CAMTA1: variants seen among roughly 807,000 people sequenced by gnomAD.
The protein encoded by CAMTA1 is calmodulin-binding transcription activator 1.
A neutral mutation model predicts 170.9 loss-of-function variants in CAMTA1; 27 were observed. The ratio of observed to expected loss-of-function variants is 0.16; its 90% CI spans 0.12 to 0.22. CAMTA1 has a LOEUF of 0.22. Among genes scored for constraint, CAMTA1 ranks in the 10% least tolerant of loss-of-function variants. The probability of loss-of-function intolerance (pLI) is 1.00; values close to 1 mark genes in which losing one functional copy is unlikely to be tolerated. For synonymous variants in CAMTA1, 833 were observed against 891.5 expected (o/e 0.93, Z 1.17); for missense variants, 1,619 against 2,217.2 (o/e 0.73, Z 5.42).
At chr1:6,996,149 T>A (rs550593361) in intron 3 of CAMTA1, among the ~76,000 whole-genome samples, 1 of 152,340 alleles carries the variant, frequency 6.6e-6, no homozygotes, top group East Asian at 1.9e-4. Context: ...AACATCAGAA[T>A]AAACAGACAT....
intron 3 of CAMTA1, among the ~76,000 whole-genome samples, chr1:6,915,966 C>G (rs534850507): frequency 7.9e-5 from 12 of 152,146 alleles, no homozygotes; most frequent in Non-Finnish European, 1.6e-4. Flanking sequence ...TGAATGTGCC[C>G]TAGCTGCTTT....
intron 3 of CAMTA1, among the ~76,000 whole-genome samples, chr1:7,088,034 A>T (rs963414770): frequency 1.3e-5 from 2 of 152,214 alleles, no homozygotes; most frequent in African/African-American, 2.4e-5. Context: ...AAGGCTGGGC[A>T]ACAGGGGCCT....
chr1:7,594,117 G>GAGAAAGAAAGAAAGAAAGAA lies in CAMTA1; in HGVS notation c.511-46278_511-46259dup, dbSNP rs373681342. On this transcript the variant is annotated intron_variant, in intron 6 of 22. Transcript: ENST00000303635. ...AGAGGAAAGAAGAAAGAAAGAAAGA[G>GAGAAAGAAAGAAAGAAAGAA]AGAAAGAAAGAAAGAAAGAAAGAAG... is the stretch of plus-strand genomic sequence containing the variant. 3.8e-4 allele frequency among the ~76,000 whole-genome samples: 50 copies of GAGAAAGAAAGAAAGAAAGAA among 130,774 alleles called. 1 individual carries two copies. The highest frequency in any genetic ancestry group is 1.7e-3 in the African/African-American group (48 of 28,414). The allele number at this position is 130,774 out of a possible 152,430, so 85.8% of individuals were successfully genotyped here. A position where few individuals can be genotyped will look rare whatever the true frequency, so the allele number is the denominator to read the frequency against.
rs990131378 is a variant in CAMTA1 at position 7,044,907 on chromosome 1, A to C, written c.235-46397A>C. On this transcript the variant is annotated intron_variant, in intron 3 of 22. Coordinates refer to ENST00000303635, the MANE Select transcript of CAMTA1 (RefSeq NM_015215.4). This position sits in a 1 kb window ranked among gnomAD's most constrained non-coding sequence, Gnocchi z 5.0. ...TCCCGCCATTTTGATTAAAAAAAAA[A>C]ATCCCCCAAAATAAAAACTCATACT... Among the ~76,000 whole-genome samples the C allele has an allele frequency of 2.0e-5, 3 of 151,726 alleles. No individual in the cohort carries two copies. In the East Asian group the frequency reaches 5.8e-4, roughly 29 times the overall value.
At chr1:7,739,919 C>T (rs1313660820) in intron 16 of CAMTA1, among the ~76,000 whole-genome samples, 1 of 152,154 alleles carries the variant, frequency 6.6e-6, no homozygotes, top group African/African-American at 2.4e-5. Context: ...TCGGTGAGGA[C>T]AGCCAAACCA....
chr1:7,516,064 G>A (rs2094281308), intron 6 of CAMTA1, among the ~76,000 whole-genome samples: 1 of 152,194 alleles, frequency 6.6e-6, no homozygotes, highest in South Asian at 2.1e-4. Context: ...GCCCCCACCA[G>A]GGCAGGAGAA....
At chr1:7,489,744 C>T (rs2093674539) in intron 6 of CAMTA1, among the ~76,000 whole-genome samples, 3 of 152,234 alleles carry the variant, frequency 2.0e-5, no homozygotes, top group Non-Finnish European at 4.4e-5. Flanking sequence ...GGAGGCGATC[C>T]TCATTCCTTT....
chr1:7,509,153 C>T (rs1407909579), intron 6 of CAMTA1, among the ~76,000 whole-genome samples: 1 of 152,166 alleles, frequency 6.6e-6, no homozygotes, highest in Non-Finnish European at 1.5e-5. Context: ...ACCTCATGTC[C>T]CTAAAGAATA....
At chr1:6,908,986 GAAT>G (rs1236265833) in intron 3 of CAMTA1, among the ~76,000 whole-genome samples, 1 of 152,228 alleles carries the variant, frequency 6.6e-6, no homozygotes, top group Non-Finnish European at 1.5e-5. Context: ...TCGAATCAAA[GAAT>G]AACATGGCGA....
intron 6 of CAMTA1, among the ~76,000 whole-genome samples, chr1:7,531,260 CTTG>C (rs2094489869): frequency 6.6e-6 from 1 of 152,122 alleles, no homozygotes; most frequent in East Asian, 1.9e-4. Context: ...CTTTTCCTGC[CTTG>C]TTGTCACTGT....
intron 11 of CAMTA1, among the ~76,000 whole-genome samples, chr1:7,692,520 C>T (rs1030404033): frequency 2.6e-4 from 39 of 152,052 alleles, no homozygotes; most frequent in African/African-American, 7.7e-4. Flanking sequence ...AAAGAAAGAA[C>T]GAAAGAAAGA....
At chr1:7,427,953 G>A (rs564222548) in intron 5 of CAMTA1, among the ~76,000 whole-genome samples, 1 of 152,276 alleles carries the variant, frequency 6.6e-6, no homozygotes, top group East Asian at 1.9e-4. Context: ...ACAGAAATGA[G>A]CTCCAAACTA....
intron 3 of CAMTA1, among the ~76,000 whole-genome samples, chr1:7,054,265 C>T (rs1298497526): frequency 1.3e-5 from 2 of 152,208 alleles, no homozygotes; most frequent in African/African-American, 4.8e-5. Flanking sequence ...AGCTCATGTC[C>T]TCCCCCACAA....
At chr1:7,302,214 T>C (rs1674875436) in intron 5 of CAMTA1, among the ~76,000 whole-genome samples, 1 of 152,166 alleles carries the variant, frequency 6.6e-6, no homozygotes, top group Non-Finnish European at 1.5e-5. Context: ...GCTTTGCTCT[T>C]TGAAGCCTGG....
intron 5 of CAMTA1, among the ~76,000 whole-genome samples, chr1:7,413,843 A>C (rs1463614308): frequency 1.3e-5 from 2 of 152,186 alleles, no homozygotes; most frequent in Admixed American, 1.3e-4. Context: ...CCAGTTTTCA[A>C]AGGGAATGCT....
Position 7,044,244 on chromosome 1 carries a change from G to A in CAMTA1, c.235-47060G>A, listed in dbSNP as rs1234175296. Among the ~76,000 whole-genome samples, 2 of 152,236 alleles carry A rather than the reference G, an allele frequency of 1.3e-5. No individual in the cohort carries two copies. Among genetic ancestry groups the A allele is most frequent in the East Asian group, 3.9e-4 (2 of 5,190 alleles). On this transcript the variant is annotated intron_variant, in intron 3 of 22. Coordinates refer to ENST00000303635, the MANE Select transcript of CAMTA1 (RefSeq NM_015215.4). This position sits in a 1 kb window ranked among gnomAD's most constrained non-coding sequence, Gnocchi z 5.0. Reference sequence around the variant, plus strand: ...CCCTGTGGCCACAGCTGCTGGGCCTGTTCACACACGGTTGGGACTGGCCAA... The same window carrying A: ...CCCTGTGGCCACAGCTGCTGGGCCTATTCACACACGGTTGGGACTGGCCAA...
intron 6 of CAMTA1, among the ~76,000 whole-genome samples, chr1:7,625,496 C>T (rs539874875): frequency 9.9e-5 from 15 of 152,280 alleles, no homozygotes; most frequent in Admixed American, 7.8e-4. Context: ...GAAGCCAGGC[C>T]GTTCTGTCGC....
intron 4 of CAMTA1, among the ~76,000 whole-genome samples, chr1:7,222,817 C>T (rs145004007): frequency 1.4e-4 from 21 of 152,334 alleles, no homozygotes; most frequent in African/African-American, 3.4e-4. Flanking sequence ...CTGGCTTCGC[C>T]GCGTGCCAGC....
At chr1:7,098,099 T>TTGTGTG (rs61519330) in intron 4 of CAMTA1, among the ~76,000 whole-genome samples, 5,665 of 150,832 alleles carry the variant, frequency 0.038, 140 homozygotes, top group African/African-American at 0.071. Flanking sequence ...GGTGGACGAA[T>TTGTGTG]TGTGTGTGTG....
Sources: gnomAD v4.1 joint callset for allele counts (sites outside exome capture counted in the v4.1 genomes callset) on GRCh38, gnomAD v4.1.1 for gene constraint, Gnocchi (gnomAD v3.1) non-coding constraint, MANE v1.5 for transcripts, NCBI Gene and HGNC (gene_info 2026-07-23, HGNC 2026-07-21) for gene names.